Variants in DNAH14 observed in about 807,000 individuals in gnomAD.
DNAH14 encodes dynein axonemal heavy chain 14.
DNAH14 carries 478 observed loss-of-function variants against 520.9 expected under a neutral mutation model. The observed-to-expected ratio is 0.92, with a 90% CI of 0.85 to 0.99. The LOEUF (loss-of-function observed/expected upper bound fraction) is 0.99, where lower values mean the gene tolerates loss of function less well. DNAH14 is among the 50% of genes least tolerant of loss of function. The probability of loss-of-function intolerance (pLI) is 0.00; values close to 1 mark genes in which losing one functional copy is unlikely to be tolerated. For synonymous variants in DNAH14, 1,581 were observed against 1,757.2 expected (o/e 0.90, Z 2.51); for missense variants, 4,831 against 5,234.5 (o/e 0.92, Z 2.38).
intron 77 of DNAH14, among the ~76,000 whole-genome samples, chr1:225,368,951 C>T (rs1228969767): frequency 6.6e-6 from 1 of 152,144 alleles, no homozygotes; most frequent in Non-Finnish European, 1.5e-5. Context: ...AAGTACGCTT[C>T]TGTCAAGGCC....
Position 225,399,284 on chromosome 1 carries a change from C to T in DNAH14, c.*15C>T, listed in dbSNP as rs1326265660. Reference sequence around the variant, plus strand: ...ATGAAAAATAAATGTCCATATCAAACCATTTTAATTTTTGACTCTAATCAG... The same window carrying T: ...ATGAAAAATAAATGTCCATATCAAATCATTTTAATTTTTGACTCTAATCAG... On this transcript the variant is annotated 3_prime_UTR_variant, in exon 86 of 86. Transcript: ENST00000682510. 6.5e-7 allele frequency: 1 copy of T among 1,535,514 alleles called. No individual in the cohort carries two copies.
intron 11 of DNAH14, among the ~76,000 whole-genome samples, chr1:225,034,434 TTGA>T: frequency 6.6e-6 from 1 of 152,236 alleles, no homozygotes; most frequent in East Asian, 1.9e-4. Flanking sequence ...GGATTATTTT[TTGA>T]TGTGCTGCTG....
chr1:224,983,378 C>A (rs2062406571), intron 8 of DNAH14, among the ~76,000 whole-genome samples: 1 of 151,986 alleles, frequency 6.6e-6, no homozygotes. Flanking sequence ...AAACCCTCAG[C>A]AAAATCGGCA....
At chr1:225,197,914 T>A (rs1020245813) in intron 38 of DNAH14, among the ~76,000 whole-genome samples, 1 of 152,184 alleles carries the variant, frequency 6.6e-6, no homozygotes, top group Admixed American at 6.5e-5. Flanking sequence ...TGAATACTTT[T>A]ATCATTTCTA....
Position 225,185,426 on chromosome 1 carries a change from G to A in DNAH14, c.5670+1G>A, listed in dbSNP as rs866469111. Reference sequence around the variant, plus strand: ...TGCAGAAAGAAAATCTGCTTCAAAGGTAAATGTTCTGTTAAATAAAATGTT... The same window carrying A: ...TGCAGAAAGAAAATCTGCTTCAAAGATAAATGTTCTGTTAAATAAAATGTT... On this transcript the variant is annotated splice_donor_variant, in intron 37 of 85. Transcript: ENST00000682510. LOFTEE classifies it high-confidence loss of function. The A allele has an allele frequency of 6.6e-7, 1 of 1,524,356 alleles. No individual in the cohort carries two copies. Among genetic ancestry groups the A allele is most frequent in the Admixed American group, 2.2e-5 (1 of 44,880 alleles). 94.4% of individuals were successfully genotyped at this position (1,524,356 alleles called of 1,614,324 possible).
At chr1:225,078,533 CATG>C (rs1484575880) in intron 17 of DNAH14, among the ~76,000 whole-genome samples, 1 of 152,100 alleles carries the variant, frequency 6.6e-6, no homozygotes, top group Non-Finnish European at 1.5e-5. Flanking sequence ...AGGATTTGGT[CATG>C]TTAATGCCCC....
chr1:225,216,992 A>G (rs376110170), intron 41 of DNAH14, among the ~76,000 whole-genome samples: 13 of 152,086 alleles, frequency 8.5e-5, no homozygotes, highest in Admixed American at 2.6e-4. Flanking sequence ...GATTTTTAGA[A>G]TTTTCAGCTT....
At chr1:224,993,693 C>G (rs1481944939) in intron 8 of DNAH14, among the ~76,000 whole-genome samples, 5 of 151,326 alleles carry the variant, frequency 3.3e-5, no homozygotes, top group Non-Finnish European at 5.9e-5. Context: ...TGTTGCTGCT[C>G]TGGTCTTTAT....
chr1:225,079,526 A>G lies in DNAH14; in HGVS notation c.2744A>G (p.Asp915Gly). 1 of 1,511,148 alleles carries G rather than the reference A, an allele frequency of 6.6e-7. No individual in the cohort carries two copies. The highest frequency in any genetic ancestry group is 8.8e-7 in the Non-Finnish European group (1 of 1,136,800). The allele number at this position is 1,511,148 out of a possible 1,614,324, so 93.6% of individuals were successfully genotyped here. ...GCATGTATCAGTGGTCTACATGTTG[A>G]TGTTGGCAATTTAAAAGCCAAGGTA... ...LEACISGLHV[D>G]VGNLKAKIRT... The change falls in exon 18 of 86, where the codon GAT becomes GGT. Residue 915 changes from aspartate (D) to glycine (G), a missense_variant. Transcript: ENST00000682510.
At chr1:225,320,655 A>G (rs1190354323) in intron 61 of DNAH14, among the ~76,000 whole-genome samples, 1 of 152,220 alleles carries the variant, frequency 6.6e-6, no homozygotes, top group Non-Finnish European at 1.5e-5. Flanking sequence ...TCAAAATGCC[A>G]ACAATTGCCC....
intron 19 of DNAH14, among the ~76,000 whole-genome samples, 193 bp downstream of exon 19, chr1:225,080,941 T>C (rs2073046567): frequency 6.6e-6 from 1 of 152,236 alleles, no homozygotes; most frequent in Admixed American, 6.5e-5. Flanking sequence ...CAAAAAAGTT[T>C]TGTTAAGAAA....
chr1:225,028,543 T>C (rs992586262), intron 11 of DNAH14, among the ~76,000 whole-genome samples: 1 of 152,028 alleles, frequency 6.6e-6, no homozygotes, highest in Admixed American at 6.6e-5. Context: ...GTTAAACATT[T>C]GTTAATTTTG....
chr1:225,189,721 G>A (rs139923342), intron 37 of DNAH14, among the ~76,000 whole-genome samples: 1 of 151,816 alleles, frequency 6.6e-6, no homozygotes, highest in African/African-American at 2.4e-5. Flanking sequence ...ACATATATTT[G>A]GATCATGTTT....
chr1:225,385,830 AT>A (rs1156355324), intron 81 of DNAH14, among the ~76,000 whole-genome samples: 2 of 152,214 alleles, frequency 1.3e-5, no homozygotes, highest in African/African-American at 2.4e-5. Context: ...ATTCAATACC[AT>A]CCCCATCAAG....
At chr1:225,149,341 A>G (rs1044550818) in intron 31 of DNAH14, among the ~76,000 whole-genome samples, 26 of 152,194 alleles carry the variant, frequency 1.7e-4, no homozygotes, top group South Asian at 2.1e-4. Flanking sequence ...GCATTGTAAT[A>G]TAGTTTGAAG....
chr1:225,268,763 A>C (rs2093210176), intron 49 of DNAH14, among the ~76,000 whole-genome samples: 1 of 152,174 alleles, frequency 6.6e-6, no homozygotes, highest in African/African-American at 2.4e-5. Flanking sequence ...TAGGAATCCA[A>C]CTTACAAGGG....
chr1:225,076,832 A>G (rs1449342842), intron 17 of DNAH14, among the ~76,000 whole-genome samples: 1 of 151,938 alleles, frequency 6.6e-6, no homozygotes, highest in East Asian at 1.9e-4. Flanking sequence ...TCTAGGGTAC[A>G]TGTGCACAAT....
intron 27 of DNAH14, among the ~76,000 whole-genome samples, chr1:225,133,189 A>T (rs970073925): frequency 6.6e-6 from 1 of 151,822 alleles, no homozygotes; most frequent in Non-Finnish European, 1.5e-5. Flanking sequence ...CACTCTGATG[A>T]TAGTTTCTTT....
intron 38 of DNAH14, among the ~76,000 whole-genome samples, chr1:225,195,747 T>C (rs1309792729): frequency 6.6e-6 from 1 of 152,076 alleles, no homozygotes; most frequent in Non-Finnish European, 1.5e-5. Flanking sequence ...TCATTAAATA[T>C]ATGAATATAT....
Sources: allele counts gnomAD v4.1 joint callset (sites outside exome capture counted in the v4.1 genomes callset), GRCh38; gene constraint gnomAD v4.1.1; transcripts MANE v1.5; gene names NCBI Gene and HGNC (gene_info 2026-07-23, HGNC 2026-07-21).